Variants in TIMM50 observed in about 807,000 individuals in gnomAD.
TIMM50 encodes the protein translocase of inner mitochondrial membrane 50, also known as mitochondrial import inner membrane translocase subunit TIM50.
TIMM50 carries 34 observed loss-of-function variants against 49.6 expected under a neutral mutation model. That is an observed-to-expected ratio of 0.69 (90% confidence interval 0.52 to 0.91). The LOEUF (loss-of-function observed/expected upper bound fraction) is 0.91. TIMM50 is among the 40% of genes least tolerant of loss of function. TIMM50 has a pLI of 0.00. For synonymous variants in TIMM50, 199 were observed against 198.4 expected, an observed-to-expected ratio of 1.00 and a Z score of -0.03; for missense variants, 458 against 477.8, an observed-to-expected ratio of 0.96 and a Z score of 0.39.
intron 4 of TIMM50, chr19:39,483,384 C>T (rs2079485460): frequency 3.9e-6 from 2 of 517,278 alleles, no homozygotes; most frequent in Non-Finnish European, 7.0e-6. Flanking sequence ...GGATTGGAGC[C>T]TTGGGTGGGA....
rs2079546412 is a variant in TIMM50 at position 39,491,735 on chromosome 19, A to G, written c.*1915A>G. On this transcript the variant is annotated 3_prime_UTR_variant, in exon 11 of 11. Coordinates refer to ENST00000607714, the MANE Select transcript of TIMM50 (RefSeq NM_001001563.5). ...TACGTGAGAGGCTGAGGTGGGAGGA[A>G]TCCCTTGAGCCAAGGAGGTCGTGCG... The G allele has an allele frequency of 6.7e-6, 1 of 149,222 alleles. No individual in the cohort carries two copies. The highest frequency in any genetic ancestry group is 2.1e-4 in the South Asian group (1 of 4,694). 9.2% of individuals were successfully genotyped at this position (149,222 alleles called of 1,614,324 possible).
At chr19:39,487,844 G>A (rs571765129) in intron 8 of TIMM50, among the ~76,000 whole-genome samples, 5 of 151,996 alleles carry the variant, frequency 3.3e-5, no homozygotes, top group African/African-American at 9.6e-5. Flanking sequence ...CGCCCGCCTC[G>A]GCCTCCCAAA....
chr19:39,490,561 A>G lies in TIMM50; in HGVS notation c.*741A>G, dbSNP rs1472439792. 6.6e-6 allele frequency: 1 copy of G among 151,458 alleles called. No homozygotes were observed. The highest frequency in any genetic ancestry group is 1.5e-5 in the Non-Finnish European group (1 of 67,850). The allele number at this position is 151,458 out of a possible 1,614,324, so 9.4% of individuals were successfully genotyped here. On this transcript the variant is annotated 3_prime_UTR_variant, in exon 11 of 11. Transcript: ENST00000607714. ...GTGCTACCATACCCAGCTAATTTAA[A>G]CAAATTTTTTTTTTGTAGAGATGGG...
Position 39,488,048 on chromosome 19 carries a change from C to G in TIMM50, c.697-13C>G, listed in dbSNP as rs755449503. The stretch of plus-strand genomic sequence containing the variant: ...GGGCACAGATGTTGACCTGATCTGT[C>G]ACTCACTTCCAGGATATTTCATGTC... On this transcript the variant is annotated splice_polypyrimidine_tract_variant and intron_variant, in intron 8 of 10. Coordinates refer to ENST00000607714, the MANE Select transcript of TIMM50 (RefSeq NM_001001563.5). The G allele has an allele frequency of 3.1e-6, 5 of 1,601,624 alleles. No individual in the cohort carries two copies. The highest frequency in any genetic ancestry group is 8.5e-7 in the Non-Finnish European group (1 of 1,170,856).
At chr19:39,482,966 G>A in intron 3 of TIMM50, 50 bp downstream of exon 3, 2 of 1,613,976 alleles carry the variant, frequency 1.2e-6, no homozygotes, top group South Asian at 2.2e-5. Context: ...GTCTGTGGGT[G>A]AGAGGGGTCC....
At position 39,486,511 on chromosome 19, in the gene TIMM50, G is replaced by A; in HGVS notation, c.696+16G>A. On this transcript the variant is annotated intron_variant, in intron 8 of 10. Coordinates refer to ENST00000607714, the MANE Select transcript of TIMM50 (RefSeq NM_001001563.5). ...CCATGTAAAGGTGCCGTGGGTTCAT[G>A]GGTGGGCCTCTGGGATTTGGCGGAG... is the stretch of plus-strand genomic sequence containing the variant. The A allele has an allele frequency of 6.2e-7, 1 of 1,612,644 alleles. No individual in the cohort carries two copies. Among genetic ancestry groups the A allele is most frequent in the Non-Finnish European group, 8.5e-7 (1 of 1,178,656 alleles).
rs1406819518 is a variant in TIMM50, at chr19:39,486,485, A to G, written c.686A>G (p.His229Arg). The change falls in exon 8 of 11, where the codon CAC becomes CGC. Residue 229 changes from histidine (H) to arginine (R), a missense_variant. His to Arg is a conservative substitution (Grantham distance 29, BLOSUM62 0). Coordinates refer to ENST00000607714, the MANE Select transcript of TIMM50 (RefSeq NM_001001563.5). ...GACGCCACAAGATACATGGATGGACACCATGTAAAGGTGCCGTGGGTTCAT... is the reference window on the plus strand; with the variant it reads ...GACGCCACAAGATACATGGATGGACGCCATGTAAAGGTGCCGTGGGTTCAT... The part of the protein sequence containing the change: ...FRDATRYMDG[H>R]HVKDISCLNR... 3 of 1,613,798 alleles carry G rather than the reference A, an allele frequency of 1.9e-6. No individual in the cohort carries two copies. The African/African-American group carries it at 4.0e-5, about 22-fold the overall frequency.
In TIMM50 at chr19:39,483,126, AC is replaced by A. The variant is rs768588651; in HGVS notation, c.292-7del. ...TCCTAAACCTTCCATTTTTCTCTCT[AC>A]CTCCCAGATTCCTGATGAGTTCGAC... On this transcript the variant is annotated splice_polypyrimidine_tract_variant and splice_region_variant and intron_variant, in intron 3 of 10. Coordinates refer to ENST00000607714, the MANE Select transcript of TIMM50 (RefSeq NM_001001563.5). The A allele has an allele frequency of 3.7e-6, 6 of 1,613,176 alleles. No homozygotes were observed. In the African/African-American group the frequency reaches 8.0e-5, roughly 22 times the overall value.
intron 1 of TIMM50, 59 bp from the exon 2 acceptor site, chr19:39,481,824 G>C: frequency 6.4e-7 from 1 of 1,573,562 alleles, no homozygotes. Context: ...TGGACTGGAG[G>C]GTGGGGACCA....
At chr19:39,486,331 G>A (rs944947030) in intron 7 of TIMM50, 40 bp downstream of exon 7, 2 of 1,612,852 alleles carry the variant, frequency 1.2e-6, no homozygotes, top group African/African-American at 1.3e-5. Context: ...TGGTGTGGTG[G>A]GAGGCGTAGA....
At chr19:39,485,887 G>A in intron 6 of TIMM50, 80 bp downstream of exon 6, 1 of 1,577,476 alleles carries the variant, frequency 6.3e-7, no homozygotes, top group Non-Finnish European at 8.6e-7. Context: ...AGCCCTGGCT[G>A]TGCTATGTGA....
chr19:39,485,434 A>T, intron 4 of TIMM50, 110 bp from the exon 5 acceptor site: 1 of 1,320,192 alleles, frequency 7.6e-7, no homozygotes, highest in South Asian at 1.2e-5. Context: ...GGTTCAAACC[A>T]GGCAGATATG....
At chr19:39,482,500 AC>A (rs934688397) in intron 2 of TIMM50, among the ~76,000 whole-genome samples, 15 of 92,396 alleles carry the variant, frequency 1.6e-4, no homozygotes, top group Non-Finnish European at 2.7e-4. Flanking sequence ...TACTAAAAAT[AC>A]AAAAAAAAAT....
chr19:39,482,915 A>AG lies in TIMM50; in HGVS notation c.291+1dup, dbSNP rs745792833. 6.2e-7 allele frequency: 1 copy of AG among 1,614,130 alleles called. No individual in the cohort carries two copies. On this transcript the variant is annotated frameshift_variant and splice_region_variant, in exon 3 of 11. Coordinates refer to ENST00000607714, the MANE Select transcript of TIMM50 (RefSeq NM_001001563.5). LOFTEE classifies it high-confidence loss of function. ...AACCCGGTGGACGAAAATGGTGCCA[A>AG]GGTGAGGGGGAAAGAGACCGAGGCC...
chr19:39,484,580 C>T (rs775564402), intron 4 of TIMM50, among the ~76,000 whole-genome samples: 4 of 151,892 alleles, frequency 2.6e-5, no homozygotes, highest in East Asian at 1.9e-4. Context: ...GCCAGTATTG[C>T]GATAACCGGT....
rs2079482033 is a variant in TIMM50, at chr19:39,482,893, C to T, written c.268C>T (p.Pro90Ser). The change falls in exon 3 of 11, where the codon CCG (proline) becomes TCG (serine). Residue 90 changes from proline (P) to serine (S), a missense_variant. By Grantham distance (74) the Pro-to-Ser change is moderately conservative. Coordinates refer to ENST00000607714, the MANE Select transcript of TIMM50 (RefSeq NM_001001563.5). ...VSVVYIFGNN[P>S]VDENGAKIPD... Reference sequence around the variant, plus strand: ...CCTGGTCTCCCTTGCAGGAAACAACCCGGTGGACGAAAATGGTGCCAAGGT... The same window carrying T: ...CCTGGTCTCCCTTGCAGGAAACAACTCGGTGGACGAAAATGGTGCCAAGGT... 1 of 1,613,972 alleles carries T rather than the reference C, an allele frequency of 6.2e-7. No individual in the cohort carries two copies. Among genetic ancestry groups the T allele is most frequent in the Admixed American group, 1.7e-5 (1 of 60,000 alleles).
chr19:39,488,777 C>T (rs1014760127), intron 10 of TIMM50, 132 bp downstream of exon 10: 4 of 685,870 alleles, frequency 5.8e-6, no homozygotes, highest in African/African-American at 5.3e-5. Flanking sequence ...GCCTCAGTCT[C>T]TGTAACCAGG....
At chr19:39,482,624 C>T (rs2079479979) in intron 2 of TIMM50, among the ~76,000 whole-genome samples, 1 of 150,884 alleles carries the variant, frequency 6.6e-6, no homozygotes, top group Non-Finnish European at 1.5e-5. Flanking sequence ...CGTGCCACTG[C>T]ACTCCAGCCT....
intron 10 of TIMM50, among the ~76,000 whole-genome samples, chr19:39,489,126 G>T (rs2079527493): frequency 6.6e-6 from 1 of 152,080 alleles, no homozygotes; most frequent in East Asian, 1.9e-4. Flanking sequence ...CAGATTCTAG[G>T]TTAGGTTCCT....
Sources: allele counts gnomAD v4.1 joint callset (sites outside exome capture counted in the v4.1 genomes callset), GRCh38; gene constraint gnomAD v4.1.1; transcripts MANE v1.5; gene names NCBI Gene and HGNC (gene_info 2026-07-23, HGNC 2026-07-21).